Variants in DNAJC3 observed in about 807,000 individuals in gnomAD.
DNAJC3 encodes dnaJ homolog subfamily C member 3.
In DNAJC3, 38 loss-of-function variants were observed where a neutral mutation model predicts 68.6. That is an observed-to-expected ratio of 0.55 (90% CI 0.43 to 0.73). The LOEUF (loss-of-function observed/expected upper bound fraction) is 0.73. Ranked by LOEUF, DNAJC3 falls within the 30% of genes least tolerant of loss-of-function variation. The pLI is 0.00. For missense variants in DNAJC3, 526 were observed against 591.9 expected, an observed-to-expected ratio of 0.89 and a Z score of 1.16; for synonymous variants, 203 against 204.0, an observed-to-expected ratio of 1.00 and a Z score of 0.04.
chr13:95,742,705 C>T (rs759365593), intron 4 of DNAJC3: 18 of 518,904 alleles, frequency 3.5e-5, no homozygotes, highest in Admixed American at 2.5e-4. Flanking sequence ...TATTTTGGTT[C>T]TTCCTTATGA....
At chr13:95,705,159 T>C (rs1880698026) in intron 1 of DNAJC3, among the ~76,000 whole-genome samples, 1 of 152,182 alleles carries the variant, frequency 6.6e-6, no homozygotes, top group South Asian at 2.1e-4. Flanking sequence ...GCCTAATCTG[T>C]GTTTTTGAAC....
At chr13:95,737,329 G>A (rs1206295601) in intron 4 of DNAJC3, among the ~76,000 whole-genome samples, 3 of 152,114 alleles carry the variant, frequency 2.0e-5, no homozygotes, top group Non-Finnish European at 2.9e-5. Flanking sequence ...AATGATGCTG[G>A]CCTCATAAAA....
At chr13:95,709,139 G>A (rs535594695) in intron 1 of DNAJC3, 88 bp from the exon 2 acceptor site, 1 of 939,740 alleles carries the variant, frequency 1.1e-6, no homozygotes, top group South Asian at 2.4e-5. Flanking sequence ...AGATGACTGA[G>A]ACAGATAACT....
At chr13:95,728,311 A>G (rs1881595626) in intron 4 of DNAJC3, among the ~76,000 whole-genome samples, 2 of 152,202 alleles carry the variant, frequency 1.3e-5, no homozygotes, top group Non-Finnish European at 2.9e-5. Context: ...GTACCATTTT[A>G]CATTCCTCTG....
chr13:95,691,921 G>A (rs1034085099), intron 1 of DNAJC3, among the ~76,000 whole-genome samples: 3 of 152,218 alleles, frequency 2.0e-5, no homozygotes, highest in Non-Finnish European at 4.4e-5. Flanking sequence ...CAGGCGTGGC[G>A]GCGCGCGCCT....
At chr13:95,704,461 T>A (rs980767679) in intron 1 of DNAJC3, among the ~76,000 whole-genome samples, 2 of 152,204 alleles carry the variant, frequency 1.3e-5, no homozygotes, top group African/African-American at 4.8e-5. Flanking sequence ...AGTAAGCCAT[T>A]CTATGTGATG....
chr13:95,696,815 G>C (rs551797009), intron 1 of DNAJC3, among the ~76,000 whole-genome samples: 1 of 151,758 alleles, frequency 6.6e-6, no homozygotes, highest in Non-Finnish European at 1.5e-5. Flanking sequence ...GCGTGATCTC[G>C]GCTCACTGCA....
intron 9 of DNAJC3, among the ~76,000 whole-genome samples, chr13:95,774,886 T>A (rs1883255155): frequency 6.6e-6 from 1 of 152,240 alleles, no homozygotes; most frequent in Non-Finnish European, 1.5e-5. Context: ...CTTATAGACA[T>A]CATGTAGTTG....
At chr13:95,761,860 C>T (rs1366305418) in intron 7 of DNAJC3, among the ~76,000 whole-genome samples, 1 of 152,096 alleles carries the variant, frequency 6.6e-6, no homozygotes, top group Non-Finnish European at 1.5e-5. Context: ...CTGCCTCAGC[C>T]TTCTGAGTAG....
chr13:95,703,785 T>C (rs1235103981), intron 1 of DNAJC3, among the ~76,000 whole-genome samples: 2 of 152,132 alleles, frequency 1.3e-5, no homozygotes, highest in African/African-American at 4.8e-5. Context: ...CTACTCCCTG[T>C]TCTATAGCTC....
chr13:95,740,466 C>A (rs553498405), intron 4 of DNAJC3, among the ~76,000 whole-genome samples: 1,742 of 152,316 alleles, frequency 0.011, 28 homozygotes, highest in African/African-American at 0.038. Flanking sequence ...CAGCGAGACT[C>A]CGTGGGCGTA....
Position 95,763,633 on chromosome 13 carries a change from C to G in DNAJC3, c.849-10C>G, listed in dbSNP as rs1323677289. ...TCATCATTTCTTATCATGATTTGCTCATTTCTTAGATACACAGATGCTACC... is the reference window on the plus strand; with the variant it reads ...TCATCATTTCTTATCATGATTTGCTGATTTCTTAGATACACAGATGCTACC... On this transcript the variant is annotated splice_polypyrimidine_tract_variant and intron_variant, in intron 7 of 11. Coordinates refer to ENST00000602402, the MANE Select transcript of DNAJC3 (RefSeq NM_006260.5). 6.2e-7 allele frequency: 1 copy of G among 1,611,068 alleles called. No homozygotes were observed. Among genetic ancestry groups the G allele is most frequent in the Non-Finnish European group, 8.5e-7 (1 of 1,178,156 alleles).
At chr13:95,738,767 C>A (rs879001450) in intron 4 of DNAJC3, among the ~76,000 whole-genome samples, 1 of 152,148 alleles carries the variant, frequency 6.6e-6, no homozygotes, top group African/African-American at 2.4e-5. Context: ...TGGGTCTTGA[C>A]TCTTTATCCA....
intron 9 of DNAJC3, among the ~76,000 whole-genome samples, chr13:95,771,982 A>T (rs1203586562): frequency 6.6e-6 from 1 of 151,952 alleles, no homozygotes; most frequent in Non-Finnish European, 1.5e-5. Context: ...TTTATTGATG[A>T]AGAGAAGTTG....
At chr13:95,773,938 TG>T (rs1331131734) in intron 9 of DNAJC3, among the ~76,000 whole-genome samples, 1 of 151,932 alleles carries the variant, frequency 6.6e-6, no homozygotes, top group Non-Finnish European at 1.5e-5. Flanking sequence ...GGTTTCACCA[TG>T]TTGGCCAGGA....
chr13:95,753,819 C>T (rs1882564332), intron 4 of DNAJC3, among the ~76,000 whole-genome samples: 1 of 152,116 alleles, frequency 6.6e-6, no homozygotes, highest in Non-Finnish European at 1.5e-5. Flanking sequence ...GACTGCCCTA[C>T]AGGATATTGG....
chr13:95,790,317 T>C (rs1426937549), intron 11 of DNAJC3, among the ~76,000 whole-genome samples: 1 of 152,192 alleles, frequency 6.6e-6, no homozygotes, highest in East Asian at 1.9e-4. Context: ...CATTGATCTC[T>C]CTCTGTTCGG....
chr13:95,755,711 T>G (rs1882634942), intron 4 of DNAJC3, among the ~76,000 whole-genome samples: 1 of 127,884 alleles, frequency 7.8e-6, no homozygotes, highest in Non-Finnish European at 1.5e-5. Flanking sequence ...GACCTGAGAT[T>G]GCACCACTGC....
chr13:95,760,899 G>T, intron 7 of DNAJC3, 101 bp downstream of exon 7: 2 of 1,470,006 alleles, frequency 1.4e-6, no homozygotes. Flanking sequence ...AGCCATTGAG[G>T]GTGGGGTATT....
Sources: allele counts gnomAD v4.1 joint callset (sites outside exome capture counted in the v4.1 genomes callset), GRCh38; gene constraint gnomAD v4.1.1; transcripts MANE v1.5; gene names NCBI Gene and HGNC (gene_info 2026-07-23, HGNC 2026-07-21).